The following GAREM1 variants were observed in gnomAD, a reference collection of about 807,000 sequenced individuals.
GAREM1 encodes the protein GRB2-associated and regulator of MAPK protein 1.
A neutral mutation model predicts 71.3 loss-of-function variants in GAREM1; 26 were observed. That is an observed-to-expected ratio of 0.36 (90% CI 0.27 to 0.51). GAREM1 has a LOEUF of 0.51. GAREM1 is among the 20% of genes least tolerant of loss of function. GAREM1 has a pLI of 0.95. For missense variants in GAREM1, 1,026 were observed against 1,103.1 expected, an observed-to-expected ratio of 0.93 and a Z score of 0.99; for synonymous variants, 440 against 433.2, an observed-to-expected ratio of 1.02 and a Z score of -0.20.
chr18:32,291,782 G>A (rs1437578471), intron 3 of GAREM1, among the ~76,000 whole-genome samples: 2 of 151,988 alleles, frequency 1.3e-5, no homozygotes, highest in Non-Finnish European at 2.9e-5. Context: ...GAGAATGATA[G>A]TTTCCAGCTT....
chr18:32,320,899 T>C (rs2047422069), intron 2 of GAREM1, among the ~76,000 whole-genome samples: 1 of 152,232 alleles, frequency 6.6e-6, no homozygotes, highest in African/African-American at 2.4e-5. Context: ...TGATGGAACC[T>C]AGAAAGGTCT....
intron 2 of GAREM1, among the ~76,000 whole-genome samples, chr18:32,335,020 G>T (rs1031031652): frequency 6.6e-6 from 1 of 152,126 alleles, no homozygotes; most frequent in Admixed American, 6.5e-5. Context: ...CTCAAATATA[G>T]CCACCTTCCC....
intron 1 of GAREM1, among the ~76,000 whole-genome samples, chr18:32,402,606 G>C (rs184094486): frequency 6.6e-6 from 1 of 152,016 alleles, no homozygotes; most frequent in East Asian, 1.9e-4. Context: ...GAGCTATCGA[G>C]GCTCCACCCT....
intron 1 of GAREM1, among the ~76,000 whole-genome samples, chr18:32,423,714 T>C (rs949833409): frequency 1.3e-5 from 2 of 152,196 alleles, no homozygotes; most frequent in African/African-American, 4.8e-5. Context: ...AATCTTTAAG[T>C]TGCAAGGAGC....
In GAREM1 at chr18:32,268,751, T is replaced by C; in HGVS notation, c.1751A>G (p.Asp584Gly). Residue 584 changes from aspartate (D) to glycine (G), a missense_variant, in exon 6 of 6, where the codon GAC becomes GGC. Physicochemically the swap from Asp to Gly is moderately conservative, Grantham distance 94 (BLOSUM62 -1). Around this residue, in one of 3 missense-constraint regions of GAREM1, gnomAD observed 636 missense variants for 631.2 expected, o/e 1.01. Coordinates refer to ENST00000269209, the MANE Select transcript of GAREM1 (RefSeq NM_001242409.2). ...AGGAGTGCTTTCAGAAGGATTTGTGTCAGTTTTAGTGACGCTGCTTAAAAG... is the reference window on the plus strand; with the variant it reads ...AGGAGTGCTTTCAGAAGGATTTGTGCCAGTTTTAGTGACGCTGCTTAAAAG... ...GLHNISVTKT[D>G]TNPSESTPVS... 1 of 1,613,696 alleles carries C rather than the reference T, an allele frequency of 6.2e-7. No homozygotes were observed. Among genetic ancestry groups the C allele is most frequent in the Non-Finnish European group, 8.5e-7 (1 of 1,179,720 alleles).
chr18:32,360,306 A>AT (rs2047853772), intron 2 of GAREM1, among the ~76,000 whole-genome samples: 2 of 151,900 alleles, frequency 1.3e-5, no homozygotes, highest in Non-Finnish European at 1.5e-5. Context: ...CCTATATGGT[A>AT]TTTCTTCCAA....
At position 32,336,552 on chromosome 18, in the gene GAREM1, T is replaced by A. The variant is rs890589463; in HGVS notation, c.263-26229A>T. Among the ~76,000 whole-genome samples the A allele has an allele frequency of 2.0e-5, 3 of 152,252 alleles. No individual in the cohort carries two copies. The East Asian group carries it at 5.8e-4, about 29-fold the overall frequency. On this transcript the variant is annotated intron_variant, in intron 2 of 5. Transcript: ENST00000269209. ...ACATCTTAATTCCCTCATGCTGTAC[T>A]TTCTTCTGGATTGAAACATCTCAAT...
At chr18:32,377,815 G>A (rs1025164883) in intron 2 of GAREM1, among the ~76,000 whole-genome samples, 100 of 152,200 alleles carry the variant, frequency 6.6e-4, no homozygotes, top group Admixed American at 1.6e-3. Flanking sequence ...CACCCACCTT[G>A]GCCTCCCAAA....
intron 1 of GAREM1, among the ~76,000 whole-genome samples, chr18:32,403,075 AC>A (rs2048331626): frequency 6.6e-6 from 1 of 151,720 alleles, no homozygotes; most frequent in Non-Finnish European, 1.5e-5. Flanking sequence ...GCACCACTAC[AC>A]CCAGCTAATT....
At chr18:32,438,578 G>A (rs1217594150) in intron 1 of GAREM1, among the ~76,000 whole-genome samples, 2 of 152,208 alleles carry the variant, frequency 1.3e-5, no homozygotes, top group Non-Finnish European at 2.9e-5. Context: ...GGCGAGTCAA[G>A]AACAAGTGCA....
chr18:32,417,286 C>A (rs1014006132), intron 1 of GAREM1, among the ~76,000 whole-genome samples: 1 of 152,116 alleles, frequency 6.6e-6, no homozygotes, highest in African/African-American at 2.4e-5. Context: ...TAAATTAGTA[C>A]AACCACTTTG....
chr18:32,374,564 G>A (rs1396802889), intron 2 of GAREM1, among the ~76,000 whole-genome samples: 2 of 152,154 alleles, frequency 1.3e-5, no homozygotes, highest in African/African-American at 4.8e-5. Context: ...TTTTACACAG[G>A]TACCTCTGGA....
intron 1 of GAREM1, among the ~76,000 whole-genome samples, chr18:32,393,359 T>TGTTTAGATGCTTTGC (rs1206036206): frequency 1.3e-5 from 2 of 152,192 alleles, no homozygotes; most frequent in Non-Finnish European, 2.9e-5. Flanking sequence ...TATTAGGTAC[T>TGTTTAGATGCTTTGC]GTTTAGATGC....
chr18:32,380,946 A>G lies in GAREM1; in HGVS notation c.262+11949T>C, dbSNP rs577155602. On this transcript the variant is annotated intron_variant, in intron 2 of 5. Coordinates refer to ENST00000269209, the MANE Select transcript of GAREM1 (RefSeq NM_001242409.2). ...TCTCCCACACAGATGAATTTGTCAT[A>G]GTACTGAAAATATACAGCCAGAATA... Among the ~76,000 whole-genome samples the G allele has an allele frequency of 2.9e-3, 447 of 152,182 alleles. 3 individuals carry two copies. The highest frequency in any genetic ancestry group is 0.01 in the African/African-American group (425 of 41,510).
intron 4 of GAREM1, among the ~76,000 whole-genome samples, chr18:32,279,745 A>G (rs563182455): frequency 5.1e-4 from 78 of 152,330 alleles, no homozygotes; most frequent in Non-Finnish European, 9.4e-4. Flanking sequence ...ATTGTCTTTC[A>G]TGAAACTGGT....
At chr18:32,307,337 G>A (rs921500411) in intron 3 of GAREM1, among the ~76,000 whole-genome samples, 1 of 151,986 alleles carries the variant, frequency 6.6e-6, no homozygotes, top group Non-Finnish European at 1.5e-5. Flanking sequence ...AAGAGAGAGG[G>A]TGAAATCTTC....
intron 2 of GAREM1, among the ~76,000 whole-genome samples, chr18:32,355,498 T>G (rs577225094): frequency 9.9e-5 from 15 of 152,270 alleles, no homozygotes; most frequent in African/African-American, 3.6e-4. Flanking sequence ...AAATACTAAT[T>G]TTACACTCAT....
At chr18:32,458,780 C>A (rs1330287082) in intron 1 of GAREM1, among the ~76,000 whole-genome samples, 4 of 151,252 alleles carry the variant, frequency 2.6e-5, no homozygotes, top group African/African-American at 9.7e-5. Context: ...AAAGGCAAAA[C>A]AAAAAAAAGA....
At chr18:32,388,417 T>TG (rs2048167535) in intron 2 of GAREM1, among the ~76,000 whole-genome samples, 1 of 151,876 alleles carries the variant, frequency 6.6e-6, no homozygotes. Context: ...AGGGGAGTGG[T>TG]GGGGGGAGAA....
Sources: gnomAD v4.1 joint callset for allele counts (sites outside exome capture counted in the v4.1 genomes callset) on GRCh38, gnomAD v4.1.1 for gene constraint, gnomAD v4.1.1 regional missense constraint, MANE v1.5 for transcripts, NCBI Gene and HGNC (gene_info 2026-07-23, HGNC 2026-07-21) for gene names.